VPS13B: variants seen among roughly 807,000 people sequenced by gnomAD.
VPS13B encodes the protein intermembrane lipid transfer protein VPS13B.
In VPS13B, 285 loss-of-function variants were observed where a neutral mutation model predicts 426.4. That is an observed-to-expected ratio of 0.67 (90% CI 0.61 to 0.74). VPS13B has a LOEUF of 0.74. VPS13B is among the 30% of genes least tolerant of loss of function. The probability of loss-of-function intolerance (pLI) is 0.00; values close to 1 mark genes in which losing one functional copy is unlikely to be tolerated. For missense variants in VPS13B, 4,537 were observed against 4,782.6 expected (o/e 0.95, Z 1.51); for synonymous variants, 1,676 against 1,676.4 (o/e 1.00, Z 0.01).
chr8:99,349,524 A>G (rs868314161), intron 19 of VPS13B, among the ~76,000 whole-genome samples: 1 of 152,108 alleles, frequency 6.6e-6, no homozygotes, highest in Non-Finnish European at 1.5e-5. Context: ...CCAGGTAAAA[A>G]TACATGATGC....
At chr8:99,451,354 A>G (rs1818187561) in intron 23 of VPS13B, among the ~76,000 whole-genome samples, 1 of 152,162 alleles carries the variant, frequency 6.6e-6, no homozygotes, top group African/African-American at 2.4e-5. Context: ...CAACAAATAC[A>G]TATTGAGCAC....
intron 3 of VPS13B, among the ~76,000 whole-genome samples, chr8:99,081,237 C>T (rs964780600): frequency 6.6e-6 from 1 of 152,182 alleles, no homozygotes; most frequent in Admixed American, 6.5e-5. Context: ...CCAGGTTTTA[C>T]ATCTTTTGCA....
intron 22 of VPS13B, 26 bp downstream of exon 22, chr8:99,431,690 G>A (rs750560834): frequency 6.9e-6 from 11 of 1,601,644 alleles, no homozygotes; most frequent in East Asian, 2.3e-5. Flanking sequence ...GAAATATTAT[G>A]GATATAATTT....
intron 19 of VPS13B, among the ~76,000 whole-genome samples, chr8:99,282,077 A>C (rs1819200780): frequency 6.6e-6 from 1 of 151,572 alleles, no homozygotes; most frequent in East Asian, 1.9e-4. Flanking sequence ...TTCATTATTC[A>C]CTCTTTCAGT....
chr8:99,427,320 T>G (rs113421370), intron 21 of VPS13B, among the ~76,000 whole-genome samples: 1 of 119,140 alleles, frequency 8.4e-6, no homozygotes, highest in African/African-American at 3.4e-5. Flanking sequence ...ACTGTAGCCT[T>G]GTAGTATAGT....
intron 35 of VPS13B, among the ~76,000 whole-genome samples, chr8:99,673,307 C>G (rs975854483): frequency 6.6e-6 from 1 of 151,936 alleles, no homozygotes; most frequent in African/African-American, 2.4e-5. Context: ...TATCTCCATA[C>G]TCATTATTGG....
At chr8:99,267,829 C>G (rs1016353146) in intron 17 of VPS13B, among the ~76,000 whole-genome samples, 105 of 152,186 alleles carry the variant, frequency 6.9e-4, no homozygotes, top group African/African-American at 2.4e-3. Context: ...TGTTAATCAC[C>G]AAGACAATGG....
chr8:99,069,895 A>T (rs545480946), intron 3 of VPS13B, among the ~76,000 whole-genome samples: 2 of 152,284 alleles, frequency 1.3e-5, no homozygotes, highest in East Asian at 3.9e-4. Context: ...TTTTGAAAAA[A>T]GTTTTAAAGT....
At position 99,128,317 on chromosome 8, in the gene VPS13B, G is replaced by A. The variant is rs138238112; in HGVS notation, c.1207-6315G>A. ...CAGGAGAATTGCTTGAACCTGGGAG[G>A]TGGAGGTTGCAGTGAGCCAATATCG... On this transcript the variant is annotated intron_variant, in intron 8 of 61. Transcript: ENST00000357162. Among the ~76,000 whole-genome samples the A allele has an allele frequency of 5.6e-3, 803 of 144,676 alleles. 8 individuals carry two copies. Among genetic ancestry groups the A allele is most frequent in the African/African-American group, 0.02 (772 of 38,310 alleles). The allele number at this position is 144,676 out of a possible 152,430, so 94.9% of individuals were successfully genotyped here.
chr8:99,102,072 CACTT>C (rs1250624751), intron 4 of VPS13B, among the ~76,000 whole-genome samples: 1 of 151,938 alleles, frequency 6.6e-6, no homozygotes, highest in Non-Finnish European at 1.5e-5. Context: ...TCCATGTACA[CACTT>C]ACATGAGAAA....
intron 36 of VPS13B, among the ~76,000 whole-genome samples, chr8:99,707,767 T>C (rs1183825709): frequency 6.6e-6 from 1 of 152,144 alleles, no homozygotes; most frequent in Non-Finnish European, 1.5e-5. Flanking sequence ...TAGTCTTAAC[T>C]CCCTCATTGA....
intron 21 of VPS13B, among the ~76,000 whole-genome samples, chr8:99,429,236 A>T (rs1170911347): frequency 1.6e-4 from 24 of 151,930 alleles, no homozygotes; most frequent in Non-Finnish European, 3.1e-4. Context: ...CATATGTAAC[A>T]AACCTGCACG....
chr8:99,406,852 G>A (rs1815360103), intron 21 of VPS13B, among the ~76,000 whole-genome samples: 1 of 152,184 alleles, frequency 6.6e-6, no homozygotes, highest in South Asian at 2.1e-4. Flanking sequence ...TTAGGAATTA[G>A]AAAAGTTTTC....
chr8:99,146,952 G>A (rs1226278257), intron 13 of VPS13B, among the ~76,000 whole-genome samples: 1 of 152,058 alleles, frequency 6.6e-6, no homozygotes, highest in Non-Finnish European at 1.5e-5. Flanking sequence ...CAGGGAAACT[G>A]TTTTATGAGG....
At chr8:99,373,471 A>G (rs1813306152) in intron 19 of VPS13B, among the ~76,000 whole-genome samples, 1 of 152,224 alleles carries the variant, frequency 6.6e-6, no homozygotes, top group African/African-American at 2.4e-5. Context: ...TTACTGACTC[A>G]TAGTTTGAGG....
intron 35 of VPS13B, among the ~76,000 whole-genome samples, chr8:99,675,583 A>G (rs1366733424): frequency 6.6e-6 from 1 of 152,112 alleles, no homozygotes; most frequent in Non-Finnish European, 1.5e-5. Context: ...ACCAGTGACC[A>G]AGAATTTACC....
chr8:99,326,984 C>G (rs1046746710), intron 19 of VPS13B, among the ~76,000 whole-genome samples: 4 of 152,138 alleles, frequency 2.6e-5, no homozygotes, highest in Non-Finnish European at 5.9e-5. Context: ...ATTGTTAATA[C>G]TGGGTTTTGG....
chr8:99,340,479 T>TA (rs1811180700), intron 19 of VPS13B: 1 of 488,590 alleles, frequency 2.0e-6, no homozygotes, highest in Non-Finnish European at 4.1e-6. Context: ...TTCCAAGGAT[T>TA]TCTGGAAGTT....
At chr8:99,329,173 T>C (rs1810431850) in intron 19 of VPS13B, among the ~76,000 whole-genome samples, 1 of 152,168 alleles carries the variant, frequency 6.6e-6, no homozygotes, top group Non-Finnish European at 1.5e-5. Context: ...TTGTGAACTG[T>C]TATCTTTCCA....
Sources: allele counts gnomAD v4.1 joint callset (sites outside exome capture counted in the v4.1 genomes callset), GRCh38; gene constraint gnomAD v4.1.1; transcripts MANE v1.5; gene names NCBI Gene and HGNC (gene_info 2026-07-23, HGNC 2026-07-21).